Variants in ORC5 observed in about 807,000 individuals in gnomAD.
ORC5 encodes origin recognition complex subunit 5.
Under a neutral mutation model 58.8 loss-of-function variants are expected in ORC5, and 39 were observed. The observed-to-expected ratio is 0.66, with a 90% CI of 0.51 to 0.87. The LOEUF is 0.87. Among genes scored for constraint, ORC5 ranks in the 40% least tolerant of loss-of-function variants. The pLI is 0.00. For synonymous variants in ORC5, 218 were observed against 177.6 expected (o/e 1.23, Z -1.81); for missense variants, 493 against 506.3 (o/e 0.97, Z 0.25).
intron 3 of ORC5, among the ~76,000 whole-genome samples, chr7:104,198,623 A>G (rs138720473): frequency 1.3e-3 from 198 of 152,372 alleles, no homozygotes; most frequent in African/African-American, 4.4e-3. Context: ...TGGAACTTAC[A>G]TTTAAAAGGG....
Position 104,188,389 on chromosome 7 carries a change from C to G in ORC5, c.554-8G>C, listed in dbSNP as rs1335984250. On this transcript the variant is annotated splice_polypyrimidine_tract_variant and splice_region_variant and intron_variant, in intron 5 of 13. Coordinates refer to ENST00000297431, the MANE Select transcript of ORC5 (RefSeq NM_002553.4). The stretch of plus-strand genomic sequence containing the variant: ...GGATCTTTTGAAGGTTGCCTGTTCA[C>G]AGGACACAAAATAACTTATAATGAT... 1 of 1,603,292 alleles carries G rather than the reference C, an allele frequency of 6.2e-7. No individual in the cohort carries two copies. The highest frequency in any genetic ancestry group is 1.7e-4 in the Middle Eastern group (1 of 6,012).
intron 12 of ORC5, among the ~76,000 whole-genome samples, chr7:104,156,273 T>C (rs1331279048): frequency 2.6e-5 from 4 of 151,764 alleles, no homozygotes; most frequent in Non-Finnish European, 5.9e-5. Flanking sequence ...TTTAAAGTCA[T>C]ATTTAAGTTC....
intron 12 of ORC5, among the ~76,000 whole-genome samples, chr7:104,152,168 G>C (rs924351886): frequency 2.0e-5 from 3 of 151,898 alleles, no homozygotes; most frequent in African/African-American, 7.3e-5. Context: ...TTTTTTGGGG[G>C]GATGGAGTCT....
intron 6 of ORC5, among the ~76,000 whole-genome samples, chr7:104,185,010 A>C (rs145349596): frequency 1.3e-3 from 196 of 152,204 alleles, no homozygotes; most frequent in African/African-American, 4.3e-3. Context: ...GATGTCATAA[A>C]AATTTGAACC....
At position 104,167,198 on chromosome 7, in the gene ORC5, T is replaced by G. The variant is rs567050943; in HGVS notation, c.878-314A>C. 3.3e-5 allele frequency among the ~76,000 whole-genome samples: 5 copies of G among 152,284 alleles called. No homozygotes were observed. The South Asian group carries it at 1.0e-3, about 32-fold the overall frequency. ...CCTACCACACCAAAATAGAGAAACT[T>G]ATTTCTACTATGAATTCCTACTCTG... is the stretch of plus-strand genomic sequence containing the variant. On this transcript the variant is annotated intron_variant, in intron 9 of 13. Coordinates refer to ENST00000297431, the MANE Select transcript of ORC5 (RefSeq NM_002553.4).
intron 8 of ORC5, among the ~76,000 whole-genome samples, chr7:104,177,736 C>G (rs143708622): frequency 1.3e-3 from 197 of 152,212 alleles, no homozygotes; most frequent in African/African-American, 4.3e-3. Context: ...CCCTCCACCC[C>G]GCAAAAGGCC....
chr7:104,202,169 A>G (rs1799961809), intron 2 of ORC5, among the ~76,000 whole-genome samples: 1 of 152,216 alleles, frequency 6.6e-6, no homozygotes, highest in Non-Finnish European at 1.5e-5. Context: ...TCCAGAAGTA[A>G]TAAGGTCACA....
At position 104,161,209 on chromosome 7, in the gene ORC5, A is replaced by T. The variant is rs769484367; in HGVS notation, c.1039-27T>A. On this transcript the variant is annotated intron_variant, in intron 11 of 13. Coordinates refer to ENST00000297431, the MANE Select transcript of ORC5 (RefSeq NM_002553.4). ...TGTAAAAAACAAAACAAAAACATGGATTTTCTTCTTATACCAGAGCACTCA... is the reference window on the plus strand; with the variant it reads ...TGTAAAAAACAAAACAAAAACATGGTTTTTCTTCTTATACCAGAGCACTCA... The T allele has an allele frequency of 2.4e-6, 3 of 1,269,586 alleles. No homozygotes were observed. In the East Asian group the frequency reaches 7.0e-5, roughly 30 times the overall value. 78.6% of individuals were successfully genotyped at this position (1,269,586 alleles called of 1,614,324 possible). A position where few individuals can be genotyped will look rare whatever the true frequency, so the allele number is the denominator to read the frequency against.
intron 13 of ORC5, 68 bp from the exon 14 acceptor site, chr7:104,126,961 GA>G (rs1798437785): frequency 2.7e-6 from 3 of 1,104,466 alleles, no homozygotes; most frequent in African/African-American, 1.6e-5. Context: ...TATGATTCTG[GA>G]AAGCACATGC....
intron 8 of ORC5, among the ~76,000 whole-genome samples, chr7:104,169,464 C>T (rs545823617): frequency 1.1e-4 from 16 of 152,020 alleles, no homozygotes; most frequent in Admixed American, 2.6e-4. Flanking sequence ...GTAAAGAATG[C>T]CCTACGACAG....
intron 13 of ORC5, among the ~76,000 whole-genome samples, chr7:104,128,648 A>G (rs10249033): frequency 0.05 from 7,368 of 147,000 alleles, 632 homozygotes; most frequent in African/African-American, 0.18. Flanking sequence ...AGCATTAGGT[A>G]TATCTCCTAA....
chr7:104,159,269 T>C (rs9768749), intron 12 of ORC5, among the ~76,000 whole-genome samples: 59,126 of 135,206 alleles, frequency 0.44, 14,704 homozygotes, highest in Middle Eastern at 0.59. Flanking sequence ...TAGGTGGGAA[T>C]TGAACAATGA....
intron 4 of ORC5, among the ~76,000 whole-genome samples, chr7:104,195,863 T>A (rs573278467): frequency 1.2e-4 from 19 of 152,320 alleles, no homozygotes; most frequent in Admixed American, 2.6e-4. Flanking sequence ...AAGATATTTA[T>A]TGGGCAGAAA....
rs563571710 is a variant in ORC5 at position 104,136,372 on chromosome 7, C to G, written c.1262+409G>C. Among the ~76,000 whole-genome samples the G allele has an allele frequency of 1.3e-5, 2 of 152,140 alleles. No individual in the cohort carries two copies. The highest frequency in any genetic ancestry group is 3.9e-4 in the East Asian group (2 of 5,186). On this transcript the variant is annotated intron_variant, in intron 13 of 13. Coordinates refer to ENST00000297431, the MANE Select transcript of ORC5 (RefSeq NM_002553.4). The surrounding 1 kb of genome is among the most constrained non-coding windows in gnomAD (Gnocchi z 4.2). ...ACAGTAGAATGATTATGTCCCCTGA[C>G]CTAGACACTATATTTCTATCAGTGT...
intron 6 of ORC5, chr7:104,187,649 AG>A (rs1799577790): frequency 3.2e-6 from 2 of 632,312 alleles, no homozygotes; most frequent in Non-Finnish European, 3.9e-6. Flanking sequence ...AAAACAAAAA[AG>A]GTCAAAGAAA....
intron 12 of ORC5, among the ~76,000 whole-genome samples, chr7:104,143,409 A>G (rs1422958579): frequency 6.6e-6 from 1 of 152,214 alleles, no homozygotes; most frequent in African/African-American, 2.4e-5. Flanking sequence ...CTTTTAGCAC[A>G]TTAGTTGTAA....
rs1433448458 is a variant in ORC5 at position 104,130,647 on chromosome 7, TTC to T, written c.1263-3756_1263-3755del. Among the ~76,000 whole-genome samples, 6 of 152,204 alleles carry T rather than the reference TTC, an allele frequency of 3.9e-5. No individual in the cohort carries two copies. The East Asian group carries it at 1.2e-3, about 29-fold the overall frequency. On this transcript the variant is annotated intron_variant, in intron 13 of 13. Coordinates refer to ENST00000297431, the MANE Select transcript of ORC5 (RefSeq NM_002553.4). Reference sequence around the variant, plus strand: ...TCAGCCTAGTGACTTCACTATATATTTCTCTTTCTTACCTCCAATAACCTTTT... The same window carrying T: ...TCAGCCTAGTGACTTCACTATATATTTCTTTCTTACCTCCAATAACCTTTT...
At chr7:104,140,414 T>C (rs1435866780) in intron 12 of ORC5, among the ~76,000 whole-genome samples, 1 of 152,234 alleles carries the variant, frequency 6.6e-6, no homozygotes, top group Admixed American at 6.5e-5. Flanking sequence ...TAAGTAGTTC[T>C]ATAGTCCTTT....
chr7:104,165,624 A>T (rs891357115), intron 10 of ORC5: 1 of 190,392 alleles, frequency 5.3e-6, no homozygotes, highest in Non-Finnish European at 1.1e-5. Flanking sequence ...TATTCATCCC[A>T]TAAGTCTGGC....
Sources: gnomAD v4.1 joint callset for allele counts (sites outside exome capture counted in the v4.1 genomes callset) on GRCh38, gnomAD v4.1.1 for gene constraint, Gnocchi (gnomAD v3.1) non-coding constraint, MANE v1.5 for transcripts, NCBI Gene and HGNC (gene_info 2026-07-23, HGNC 2026-07-21) for gene names.